The following ONECUT3 variants were observed in gnomAD, a reference collection of about 807,000 sequenced individuals.
ONECUT3 encodes one cut domain family member 3.
A neutral mutation model predicts 16.8 loss-of-function variants in ONECUT3; 11 were observed. The ratio of observed to expected loss-of-function variants is 0.66; its 90% confidence interval spans 0.41 to 1.09. The LOEUF (loss-of-function observed/expected upper bound fraction) is 1.09, where lower values mean the gene tolerates loss of function less well. Among genes scored for constraint, ONECUT3 ranks in the 50% least tolerant of loss-of-function variants. ONECUT3 has a pLI of 0.00. For synonymous variants in ONECUT3, 344 were observed against 310.7 expected (o/e 1.11, Z -1.13); for missense variants, 637 against 629.9 (o/e 1.01, Z -0.12).
Position 1,762,132 on chromosome 19 carries a change from A to G in ONECUT3, c.1192+7278A>G, listed in dbSNP as rs767638310. Among the ~76,000 whole-genome samples, 9 of 152,186 alleles carry G rather than the reference A, an allele frequency of 5.9e-5. No homozygotes were observed. The highest frequency in any genetic ancestry group is 8.8e-5 in the Non-Finnish European group (6 of 68,022). ...ACTCCCCTAAGTGGGGTGCGGGGAC[A>G]TCTGGAAGACGCCCCATCTCCCCCT... is the stretch of plus-strand genomic sequence containing the variant. On this transcript the variant is annotated intron_variant, in intron 1 of 1. Coordinates refer to ENST00000382349, the MANE Select transcript of ONECUT3 (RefSeq NM_001080488.2). This position sits in a 1 kb window ranked among gnomAD's most constrained non-coding sequence, Gnocchi z 4.4.
At chr19:1,757,081 A>G (rs1418490542) in intron 1 of ONECUT3, among the ~76,000 whole-genome samples, 1 of 150,490 alleles carries the variant, frequency 6.6e-6, no homozygotes, top group Non-Finnish European at 1.5e-5. Flanking sequence ...GGGCCACAGA[A>G]AACATCAGCC....
intron 1 of ONECUT3, among the ~76,000 whole-genome samples, chr19:1,765,104 C>T (rs538557347): frequency 6.6e-6 from 1 of 152,214 alleles, no homozygotes; most frequent in Admixed American, 6.5e-5. Context: ...ATGGGATGGT[C>T]ACTTGAATCG....
At chr19:1,772,887 T>C (rs1432504234) in intron 1 of ONECUT3, among the ~76,000 whole-genome samples, 76 of 134,484 alleles carry the variant, frequency 5.7e-4, no homozygotes, top group African/African-American at 2.0e-3. Flanking sequence ...TTTTTTTTAG[T>C]AGAGACAGGG....
At chr19:1,774,487 G>C (rs1335858567) in intron 1 of ONECUT3, among the ~76,000 whole-genome samples, 1 of 152,056 alleles carries the variant, frequency 6.6e-6, no homozygotes, top group Non-Finnish European at 1.5e-5. Flanking sequence ...AGGCTGCTGG[G>C]TTTTGTGATG....
rs576329541 is a variant in ONECUT3 at position 1,765,849 on chromosome 19, C to T, written c.1193-9304C>T. On this transcript the variant is annotated intron_variant, in intron 1 of 1. Transcript: ENST00000382349. ...GGAGCAGGGGGAGGCAGAGAGGAGC[C>T]CACCCTGGGGCTGGGCGGACATGGA... 3.3e-5 allele frequency among the ~76,000 whole-genome samples: 5 copies of T among 152,182 alleles called. No homozygotes were observed. In the South Asian group the frequency reaches 1.0e-3, roughly 32 times the overall value.
rs2067909263 is a variant in ONECUT3 at position 1,754,984 on chromosome 19, C to A, written c.1192+130C>A. ...GCCCGTGCGCCCCGGCAGCCCGGGA[C>A]CCCCTATCAGGAAGCTAGACCGCGA... On this transcript the variant is annotated intron_variant, in intron 1 of 1. Transcript: ENST00000382349. This position sits in a 1 kb window ranked among gnomAD's most constrained non-coding sequence, Gnocchi z 7.4. The A allele has an allele frequency of 2.5e-6, 3 of 1,196,684 alleles. No individual in the cohort carries two copies. The highest frequency in any genetic ancestry group is 3.2e-6 in the Non-Finnish European group (3 of 942,494). 74.1% of individuals were successfully genotyped at this position (1,196,684 alleles called of 1,614,324 possible).
chr19:1,760,212 A>G (rs1460969086), intron 1 of ONECUT3, among the ~76,000 whole-genome samples: 2 of 152,196 alleles, frequency 1.3e-5, no homozygotes, highest in African/African-American at 4.8e-5. Flanking sequence ...TCTGATGCGG[A>G]GTCAGCTTCC....
intron 1 of ONECUT3, among the ~76,000 whole-genome samples, chr19:1,768,252 T>G: frequency 6.9e-6 from 1 of 144,564 alleles, no homozygotes; most frequent in Non-Finnish European, 1.5e-5. Context: ...GGGAAGGAGA[T>G]ACCTGAGCAG....
chr19:1,770,996 C>T (rs765993272), intron 1 of ONECUT3, among the ~76,000 whole-genome samples: 6 of 152,184 alleles, frequency 3.9e-5, no homozygotes, highest in Non-Finnish European at 5.9e-5. Context: ...AACATTATTA[C>T]GCTTTTGGAA....
Position 1,754,265 on chromosome 19 carries a change from G to A in ONECUT3, c.603G>A (p.Pro201=). 9.4e-7 allele frequency: 1 copy of A among 1,061,326 alleles called. No individual in the cohort carries two copies. The highest frequency in any genetic ancestry group is 1.1e-6 in the Non-Finnish European group (1 of 882,276). The allele number at this position is 1,061,326 out of a possible 1,614,324, so 65.7% of individuals were successfully genotyped here. Residue 201 remains proline (P), a synonymous_variant, in exon 1 of 2, where the codon CCG becomes CCA. Coordinates refer to ENST00000382349, the MANE Select transcript of ONECUT3 (RefSeq NM_001080488.2). The surrounding 1 kb of genome is among the most constrained non-coding windows in gnomAD (Gnocchi z 7.4). ...CCGCCATGGGGTCGCCGCTGTCGCC[G>A]CTGCCCAACGCGCTGCCGCCCGCGC... ...ELPAMGSPLS[P]LPNALPPALH... is the part of the protein sequence containing the mutation.
At position 1,775,369 on chromosome 19, in the gene ONECUT3, T is replaced by C. The variant is rs1441717364; in HGVS notation, c.1409T>C (p.Met470Thr). The C allele has an allele frequency of 6.5e-7, 1 of 1,530,916 alleles. No homozygotes were observed. The highest frequency in any genetic ancestry group is 8.8e-7 in the Non-Finnish European group (1 of 1,137,796). The allele number at this position is 1,530,916 out of a possible 1,614,324, so 94.8% of individuals were successfully genotyped here. The change falls in exon 2 of 2, where the codon ATG becomes ACG. Residue 470 changes from methionine to threonine, a missense_variant. Met to Thr is a moderately conservative substitution (Grantham distance 81). This residue lies in a region of ONECUT3 where 183 missense variants were observed against 188.3 expected (regional missense o/e 0.97). Transcript: ENST00000382349. ...TTCATGAACGCGCGGCGCCGCTGCATGAACCGCTGGGCTGAGGAGCCCAGC... is the reference window on the plus strand; with the variant it reads ...TTCATGAACGCGCGGCGCCGCTGCACGAACCGCTGGGCTGAGGAGCCCAGC... ...NFFMNARRRC[M>T]NRWAEEPSTA...
chr19:1,754,128 C>G lies in ONECUT3; in HGVS notation c.466C>G (p.Pro156Ala), dbSNP rs2067903572. Residue 156 changes from proline (P) to alanine (A), a missense_variant, in exon 1 of 2, where the codon CCG becomes GCG. Physicochemically the swap from Pro to Ala is conservative, Grantham distance 27. Transcript: ENST00000382349. The surrounding 1 kb of genome is among the most constrained non-coding windows in gnomAD (Gnocchi z 7.4). ...HPAAAPPPPP[P>A]PQRLAASVSG... ...GGCGGCCGCGCCGCCCCCGCCACCC[C>G]CGCCGCAGCGTCTGGCGGCCAGCGT... is the stretch of plus-strand genomic sequence containing the variant. 4 of 1,045,200 alleles carry G rather than the reference C, an allele frequency of 3.8e-6. No homozygotes were observed. Among genetic ancestry groups the G allele is most frequent in the Non-Finnish European group, 4.6e-6 (4 of 871,474 alleles). The allele number at this position is 1,045,200 out of a possible 1,614,324, so 64.7% of individuals were successfully genotyped here.
In ONECUT3 at chr19:1,754,534, C is replaced by T; in HGVS notation, c.872C>T (p.Ala291Val). ...CTGCTGGCGCCGCTGGGCGGGCTGGCGGCGGCCGGGGCGCACGGGCCGCAC... is the reference window on the plus strand; with the variant it reads ...CTGCTGGCGCCGCTGGGCGGGCTGGTGGCGGCCGGGGCGCACGGGCCGCAC... ...AGLLAPLGGL[A>V]AAGAHGPHGG... Residue 291 changes from alanine to valine, a missense_variant, in exon 1 of 2, where the codon GCG becomes GTG. By Grantham distance (64) the Ala-to-Val change is moderately conservative. Transcript: ENST00000382349. The surrounding 1 kb of genome is among the most constrained non-coding windows in gnomAD (Gnocchi z 7.4). The T allele has an allele frequency of 1.0e-6, 1 of 980,188 alleles. No homozygotes were observed. The highest frequency in any genetic ancestry group is 1.2e-6 in the Non-Finnish European group (1 of 827,948). 60.7% of individuals were successfully genotyped at this position (980,188 alleles called of 1,614,324 possible).
Position 1,759,377 on chromosome 19 carries a change from C to A in ONECUT3, c.1192+4523C>A, listed in dbSNP as rs1166189178. On this transcript the variant is annotated intron_variant, in intron 1 of 1. Transcript: ENST00000382349. This position sits in a 1 kb window ranked among gnomAD's most constrained non-coding sequence, Gnocchi z 4.1. Reference sequence around the variant, plus strand: ...CATCAAGGGCTGAGGTTGAAATGGGCGAGGCAATCTGGGAGTCCCCCTTAA... The same window carrying A: ...CATCAAGGGCTGAGGTTGAAATGGGAGAGGCAATCTGGGAGTCCCCCTTAA... Among the ~76,000 whole-genome samples, 3 of 151,188 alleles carry A rather than the reference C, an allele frequency of 2.0e-5. No individual in the cohort carries two copies. The highest frequency in any genetic ancestry group is 2.1e-4 in the South Asian group (1 of 4,786).
chr19:1,759,670 C>T lies in ONECUT3; in HGVS notation c.1192+4816C>T, dbSNP rs1284385949. On this transcript the variant is annotated intron_variant, in intron 1 of 1. Transcript: ENST00000382349. This position sits in a 1 kb window ranked among gnomAD's most constrained non-coding sequence, Gnocchi z 4.1. The stretch of plus-strand genomic sequence containing the variant: ...AACCAAGGTTGGGGGCTTGGAGACC[C>T]GGGCCTTCCCTGGGCTCTGTCCCTG... Among the ~76,000 whole-genome samples the T allele has an allele frequency of 3.9e-5, 6 of 152,318 alleles. No individual in the cohort carries two copies. The East Asian group carries it at 7.7e-4, about 20-fold the overall frequency.
At chr19:1,761,132 A>C (rs1206646426) in intron 1 of ONECUT3, among the ~76,000 whole-genome samples, 1 of 142,586 alleles carries the variant, frequency 7.0e-6, no homozygotes, top group Non-Finnish European at 1.5e-5. Context: ...GGCTCACTGC[A>C]ACCTCTGCCT....
chr19:1,770,131 G>A (rs1467749561), intron 1 of ONECUT3, among the ~76,000 whole-genome samples: 1 of 152,182 alleles, frequency 6.6e-6, no homozygotes, highest in African/African-American at 2.4e-5. Context: ...TGTGATTCAT[G>A]CCTGTAACCC....
rs1756997220 is a variant in ONECUT3, at chr19:1,762,524, C to T, written c.1192+7670C>T. On this transcript the variant is annotated intron_variant, in intron 1 of 1. Coordinates refer to ENST00000382349, the MANE Select transcript of ONECUT3 (RefSeq NM_001080488.2). This position sits in a 1 kb window ranked among gnomAD's most constrained non-coding sequence, Gnocchi z 4.4. ...CGCAGCACCCGGGAAGCTGCGGAGT[C>T]GGGCTGGGGCCGCCGCGTTGCGCAC... 6.6e-6 allele frequency among the ~76,000 whole-genome samples: 1 copy of T among 152,254 alleles called. No homozygotes were observed. Among genetic ancestry groups the T allele is most frequent in the Middle Eastern group, 3.2e-3 (1 of 316 alleles).
intron 1 of ONECUT3, among the ~76,000 whole-genome samples, chr19:1,757,086 T>C (rs2145956633): frequency 7.1e-6 from 1 of 141,640 alleles, no homozygotes; most frequent in East Asian, 2.2e-4. Flanking sequence ...ACAGAAAACA[T>C]CAGCCAGAGC....
Sources: gnomAD v4.1 joint callset for allele counts (sites outside exome capture counted in the v4.1 genomes callset) on GRCh38, gnomAD v4.1.1 for gene constraint, gnomAD v4.1.1 regional missense constraint, Gnocchi (gnomAD v3.1) non-coding constraint, MANE v1.5 for transcripts, NCBI Gene and HGNC (gene_info 2026-07-23, HGNC 2026-07-21) for gene names.